The following WDR70 variants were observed in gnomAD, a reference collection of about 807,000 sequenced individuals.
The protein encoded by WDR70 is WD repeat-containing protein 70.
Under a neutral mutation model 88.6 loss-of-function variants are expected in WDR70, and 53 were observed. The ratio of observed to expected loss-of-function variants is 0.60; its 90% CI spans 0.48 to 0.75. The LOEUF (loss-of-function observed/expected upper bound fraction) is 0.75. Ranked by LOEUF, WDR70 falls within the 30% of genes least tolerant of loss-of-function variation. WDR70 has a pLI of 0.00. For synonymous variants in WDR70, 280 were observed against 270.0 expected, an observed-to-expected ratio of 1.04 and a Z score of -0.36; for missense variants, 610 against 823.2, an observed-to-expected ratio of 0.74 and a Z score of 3.17.
intron 10 of WDR70, among the ~76,000 whole-genome samples, chr5:37,670,548 G>A (rs1001658297): frequency 6.6e-6 from 1 of 152,174 alleles, no homozygotes; most frequent in Non-Finnish European, 1.5e-5. Context: ...TTTCCCAGCA[G>A]CTTATGAAGT....
At chr5:37,531,516 G>A (rs1441365491) in intron 9 of WDR70, among the ~76,000 whole-genome samples, 3 of 150,594 alleles carry the variant, frequency 2.0e-5, no homozygotes, top group Non-Finnish European at 4.4e-5. Context: ...TTTCTCTGTT[G>A]GATTAGTCCT....
Position 37,419,774 on chromosome 5 carries a change from A to C in WDR70, c.493-18148A>C, listed in dbSNP as rs556602826. ...AGGTTACAGTGAGCAGCGCCATTGC[A>C]CTCCAGTCTGGGCGACACAACGAGA... On this transcript the variant is annotated intron_variant, in intron 5 of 17. Transcript: ENST00000265107. 3.4e-4 allele frequency among the ~76,000 whole-genome samples: 52 copies of C among 151,820 alleles called. No homozygotes were observed. In the South Asian group the frequency reaches 0.01, roughly 30 times the overall value.
At chr5:37,579,515 C>T (rs189921328) in intron 9 of WDR70, among the ~76,000 whole-genome samples, 101 of 135,062 alleles carry the variant, frequency 7.5e-4, no homozygotes, top group Non-Finnish European at 1.0e-3. Flanking sequence ...ACTCAGGAGG[C>T]GGAGGTTGCA....
intron 8 of WDR70, among the ~76,000 whole-genome samples, chr5:37,507,200 T>TA (rs1431609752): frequency 6.6e-6 from 1 of 152,262 alleles, no homozygotes; most frequent in Non-Finnish European, 1.5e-5. Flanking sequence ...ACCCTGTCTA[T>TA]ATCTACAAAT....
At position 37,535,989 on chromosome 5, in the gene WDR70, G is replaced by A. The variant is rs567246531; in HGVS notation, c.917+19399G>A. Among the ~76,000 whole-genome samples, 15 of 152,286 alleles carry A rather than the reference G, an allele frequency of 9.8e-5. No homozygotes were observed. The South Asian group carries it at 2.9e-3, about 29-fold the overall frequency. Reference sequence around the variant, plus strand: ...TGCAAATCTCTTTTATATAAGTAATGGATACAAGAACTTACTTTTTAGAAA... The same window carrying A: ...TGCAAATCTCTTTTATATAAGTAATAGATACAAGAACTTACTTTTTAGAAA... On this transcript the variant is annotated intron_variant, in intron 9 of 17. Coordinates refer to ENST00000265107, the MANE Select transcript of WDR70 (RefSeq NM_018034.4).
intron 9 of WDR70, among the ~76,000 whole-genome samples, chr5:37,552,462 A>C (rs999988667): frequency 2.7e-4 from 41 of 152,356 alleles, no homozygotes; most frequent in African/African-American, 9.4e-4. Context: ...AGAATTTTTA[A>C]ACTACAAAGA....
intron 13 of WDR70, among the ~76,000 whole-genome samples, chr5:37,710,125 T>C (rs1280059092): frequency 1.3e-5 from 2 of 152,190 alleles, no homozygotes; most frequent in Non-Finnish European, 2.9e-5. Context: ...ATATCTACGA[T>C]ATCAAATCTT....
At chr5:37,562,911 A>G (rs1742560846) in intron 9 of WDR70, among the ~76,000 whole-genome samples, 1 of 151,298 alleles carries the variant, frequency 6.6e-6, no homozygotes, top group African/African-American at 2.4e-5. Context: ...CCCCCTTTCT[A>G]TTCCACAAAA....
intron 13 of WDR70, among the ~76,000 whole-genome samples, chr5:37,706,392 A>G (rs1234411298): frequency 6.6e-6 from 1 of 152,120 alleles, no homozygotes; most frequent in Non-Finnish European, 1.5e-5. Context: ...TCCCCACCCA[A>G]ATCTCATCTT....
At chr5:37,416,543 C>G (rs1159388601) in intron 5 of WDR70, among the ~76,000 whole-genome samples, 1 of 143,828 alleles carries the variant, frequency 7.0e-6, no homozygotes, top group Non-Finnish European at 1.5e-5. Flanking sequence ...AGAGGGAGAT[C>G]GTGGGGAGAG....
intron 7 of WDR70, among the ~76,000 whole-genome samples, chr5:37,454,787 CTAAGTA>C (rs1738781466): frequency 6.6e-6 from 1 of 152,150 alleles, no homozygotes; most frequent in Non-Finnish European, 1.5e-5. Context: ...AATTCTACAA[CTAAGTA>C]TAACTATAGA....
intron 9 of WDR70, among the ~76,000 whole-genome samples, chr5:37,533,676 G>A (rs1200905280): frequency 5.9e-5 from 9 of 152,142 alleles, no homozygotes; most frequent in Admixed American, 5.2e-4. Context: ...CATGGGGCTC[G>A]CTTTGGCTGC....
At chr5:37,664,459 A>G (rs905998629) in intron 10 of WDR70, among the ~76,000 whole-genome samples, 17 of 152,168 alleles carry the variant, frequency 1.1e-4, no homozygotes, top group Non-Finnish European at 1.0e-4. Context: ...GTGGAGTAGT[A>G]TTTCCTTGTA....
chr5:37,604,054 A>C (rs1222221598), intron 9 of WDR70, among the ~76,000 whole-genome samples: 1 of 152,158 alleles, frequency 6.6e-6, no homozygotes, highest in Non-Finnish European at 1.5e-5. Flanking sequence ...AGAGATCTAA[A>C]CATTTTTTAA....
At chr5:37,582,291 G>T (rs1440811185) in intron 9 of WDR70, among the ~76,000 whole-genome samples, 1 of 152,138 alleles carries the variant, frequency 6.6e-6, no homozygotes, top group Non-Finnish European at 1.5e-5. Flanking sequence ...AACTATGAAA[G>T]CAAGCCTTTT....
intron 9 of WDR70, among the ~76,000 whole-genome samples, chr5:37,528,913 T>TTTG (rs1741394461): frequency 6.8e-6 from 1 of 147,962 alleles, no homozygotes; most frequent in South Asian, 2.1e-4. Flanking sequence ...AGGGGGTTTT[T>TTTG]TTTTTTTTTT....
chr5:37,585,804 T>C (rs1425994037), intron 9 of WDR70, among the ~76,000 whole-genome samples: 3 of 152,282 alleles, frequency 2.0e-5, no homozygotes, highest in Middle Eastern at 3.4e-3. Context: ...CCTGTCATAA[T>C]CTCAGCCCCC....
chr5:37,414,795 T>A lies in WDR70; in HGVS notation c.492+18225T>A, dbSNP rs896496302. Among the ~76,000 whole-genome samples, 14 of 152,030 alleles carry A rather than the reference T, an allele frequency of 9.2e-5. No homozygotes were observed. The East Asian group carries it at 1.5e-3, about 17-fold the overall frequency. On this transcript the variant is annotated intron_variant, in intron 5 of 17. Transcript: ENST00000265107. Reference sequence around the variant, plus strand: ...TAGTCACAATTATTCTTTTTTTTTTTATTTTTATTGATCATTCTTGGGTGT... The same window carrying A: ...TAGTCACAATTATTCTTTTTTTTTTAATTTTTATTGATCATTCTTGGGTGT...
intron 9 of WDR70, among the ~76,000 whole-genome samples, chr5:37,588,576 A>G (rs1270969663): frequency 1.3e-5 from 2 of 148,554 alleles, no homozygotes; most frequent in African/African-American, 5.0e-5. Context: ...AAGGTCACTT[A>G]TTTTTTATTT....
Sources: allele counts gnomAD v4.1 joint callset (sites outside exome capture counted in the v4.1 genomes callset), GRCh38; gene constraint gnomAD v4.1.1; transcripts MANE v1.5; gene names NCBI Gene and HGNC (gene_info 2026-07-23, HGNC 2026-07-21).